The following ZNF257 variants were observed in gnomAD, a reference collection of about 807,000 sequenced individuals.
ZNF257 encodes zinc finger protein 257.
Under a neutral mutation model 11.9 loss-of-function variants are expected in ZNF257, and 12 were observed. The ratio of observed to expected loss-of-function variants is 1.01; its 90% CI spans 0.65 to 1.63. The LOEUF is 1.63. ZNF257 is among the 40% of genes most tolerant of loss of function. The probability of loss-of-function intolerance (pLI) is 0.00; values close to 1 mark genes in which losing one functional copy is unlikely to be tolerated. For synonymous variants in ZNF257, 183 were observed against 222.7 expected, an observed-to-expected ratio of 0.82 and a Z score of 1.59; for missense variants, 580 against 665.5, an observed-to-expected ratio of 0.87 and a Z score of 1.41.
At chr19:22,068,301 C>T (rs1190278901) in intron 1 of ZNF257, among the ~76,000 whole-genome samples, 1 of 151,830 alleles carries the variant, frequency 6.6e-6, no homozygotes, top group African/African-American at 2.4e-5. Context: ...ATCTGTGTTG[C>T]CTCGGGTTTT....
chr19:22,056,384 G>T (rs1013755238), intron 1 of ZNF257, among the ~76,000 whole-genome samples: 1 of 151,932 alleles, frequency 6.6e-6, no homozygotes, highest in Non-Finnish European at 1.5e-5. Context: ...CAAGTAATCC[G>T]CCTGCCTCAG....
At chr19:22,072,788 C>T (rs1432039069) in intron 1 of ZNF257, 21 bp from the exon 2 acceptor site, 1 of 1,603,610 alleles carries the variant, frequency 6.2e-7, no homozygotes, top group Non-Finnish European at 8.5e-7. Flanking sequence ...ATATGTGTGT[C>T]TGTGTTTGTG....
At chr19:22,069,840 G>T (rs989824173) in intron 1 of ZNF257, among the ~76,000 whole-genome samples, 2 of 152,066 alleles carry the variant, frequency 1.3e-5, no homozygotes, top group African/African-American at 4.8e-5. Context: ...AAAGATTAAA[G>T]TTACATGAAC....
chr19:22,079,741 T>C (rs2022317627), intron 3 of ZNF257, among the ~76,000 whole-genome samples: 1 of 152,146 alleles, frequency 6.6e-6, no homozygotes, highest in African/African-American at 2.4e-5. Flanking sequence ...AACCATATTA[T>C]TTCTGTTAAA....
chr19:22,072,909 A>C lies in ZNF257; in HGVS notation c.104A>C (p.Glu35Ala), dbSNP rs547033894. 3.1e-6 allele frequency: 5 copies of C among 1,613,150 alleles called. No individual in the cohort carries two copies. In the African/African-American group the frequency reaches 6.7e-5, roughly 22 times the overall value. Residue 35 changes from glutamate to alanine, a missense_variant, in exon 2 of 4, where the codon GAG (glutamate) becomes GCG (alanine). Transcript: ENST00000594947. ...QQNLYRDVML[E>A]NYRNLVFLGI... Reference sequence around the variant, plus strand: ...AATTTATATAGGGATGTGATGTTAGAGAACTACAGAAACCTGGTCTTCCTG... The same window carrying C: ...AATTTATATAGGGATGTGATGTTAGCGAACTACAGAAACCTGGTCTTCCTG...
At chr19:22,082,660 CTG>C (rs1229091239) in intron 3 of ZNF257, among the ~76,000 whole-genome samples, 1 of 152,092 alleles carries the variant, frequency 6.6e-6, no homozygotes, top group Non-Finnish European at 1.5e-5. Flanking sequence ...CAAGTAAACT[CTG>C]TATTACTTTT....
intron 1 of ZNF257, among the ~76,000 whole-genome samples, chr19:22,067,284 C>G (rs530687028): frequency 6.6e-6 from 1 of 152,256 alleles, no homozygotes; most frequent in East Asian, 1.9e-4. Flanking sequence ...ATTCACAGAA[C>G]ATGGAGCTCA....
chr19:22,071,658 T>G (rs1296791165), intron 1 of ZNF257, among the ~76,000 whole-genome samples: 2 of 152,102 alleles, frequency 1.3e-5, no homozygotes, highest in South Asian at 2.1e-4. Context: ...GAAAAATATG[T>G]TTTTTCCCAT....
intron 3 of ZNF257, among the ~76,000 whole-genome samples, chr19:22,081,029 C>T (rs2022345768): frequency 6.6e-6 from 1 of 151,738 alleles, no homozygotes; most frequent in Admixed American, 6.6e-5. Context: ...AAGGCACGTG[C>T]CACCATGCTC....
intron 1 of ZNF257, among the ~76,000 whole-genome samples, chr19:22,053,715 C>G (rs1344679521): frequency 6.6e-6 from 1 of 152,070 alleles, no homozygotes; most frequent in African/African-American, 2.4e-5. Context: ...CACTTGAGGT[C>G]GGGAGTTCGA....
At chr19:22,059,611 G>A (rs946058661) in intron 1 of ZNF257, among the ~76,000 whole-genome samples, 2 of 141,996 alleles carry the variant, frequency 1.4e-5, no homozygotes, top group Non-Finnish European at 3.0e-5. Flanking sequence ...CTCCATCCAC[G>A]TTGCTACAAA....
chr19:22,060,480 CTTTTTCTT>C (rs2021765600), intron 1 of ZNF257: 2 of 132,876 alleles, frequency 1.5e-5, no homozygotes, highest in African/African-American at 3.3e-5. Context: ...CTTTTGCCTA[CTTTTTCTT>C]TTTTTTTTTT....
intron 1 of ZNF257, among the ~76,000 whole-genome samples, chr19:22,064,831 A>AGGTG (rs2021898664): frequency 6.6e-6 from 1 of 152,160 alleles, no homozygotes; most frequent in Non-Finnish European, 1.5e-5. Context: ...CGAGGTGGGC[A>AGGTG]GATCACGAGG....
chr19:22,086,618 T>A (rs1185442464), intron 3 of ZNF257, among the ~76,000 whole-genome samples: 3 of 151,984 alleles, frequency 2.0e-5, no homozygotes, highest in Non-Finnish European at 4.4e-5. Context: ...AGTGCCAATA[T>A]ACTGTCTCGG....
At chr19:22,055,933 T>C (rs2145682665) in intron 1 of ZNF257, among the ~76,000 whole-genome samples, 1 of 151,684 alleles carries the variant, frequency 6.6e-6, no homozygotes. Context: ...CAGGCGCCTG[T>C]AGTCCCAGCT....
At chr19:22,072,174 A>G (rs2022119074) in intron 1 of ZNF257, among the ~76,000 whole-genome samples, 1 of 152,320 alleles carries the variant, frequency 6.6e-6, no homozygotes, top group East Asian at 1.9e-4. Context: ...TGCAAGTAAC[A>G]TTAATGATTC....
rs2022541622 is a variant in ZNF257 at position 22,088,649 on chromosome 19, T to TA, written c.899_900insA (p.Thr301TyrfsTer7). ...AAAGCCTTTAAGTGGTCCTCAGCTC[T>TA]TACTACCCTTACTCAACATAAGAGA... On this transcript the variant is annotated frameshift_variant, in exon 4 of 4. Transcript: ENST00000594947. LOFTEE classifies it low-confidence loss of function (END_TRUNC). 1 of 1,610,676 alleles carries TA rather than the reference T, an allele frequency of 6.2e-7. No individual in the cohort carries two copies. The highest frequency in any genetic ancestry group is 8.5e-7 in the Non-Finnish European group (1 of 1,179,508).
At chr19:22,060,402 G>A (rs2021763435) in intron 1 of ZNF257, 1 of 151,848 alleles carries the variant, frequency 6.6e-6, no homozygotes, top group Non-Finnish European at 1.5e-5. Flanking sequence ...CTAATGATTA[G>A]TGATGAGCAT....
chr19:22,057,392 G>C (rs1255575122), intron 1 of ZNF257, among the ~76,000 whole-genome samples: 1 of 152,126 alleles, frequency 6.6e-6, no homozygotes, highest in Non-Finnish European at 1.5e-5. Flanking sequence ...AATTCTTTCT[G>C]GGGAGCCGCC....
Sources: gnomAD v4.1 joint callset for allele counts (sites outside exome capture counted in the v4.1 genomes callset) on GRCh38, gnomAD v4.1.1 for gene constraint, MANE v1.5 for transcripts, NCBI Gene and HGNC (gene_info 2026-07-23, HGNC 2026-07-21) for gene names.